Variants in CCDC60 observed in about 807,000 individuals in gnomAD.
CCDC60 encodes coiled-coil domain-containing protein 60.
A neutral mutation model predicts 63.5 loss-of-function variants in CCDC60; 54 were observed. The observed-to-expected ratio is 0.85, with a 90% confidence interval of 0.68 to 1.07. The LOEUF (loss-of-function observed/expected upper bound fraction) is 1.07, where lower values mean the gene tolerates loss of function less well. Ranked by LOEUF, CCDC60 falls within the 50% of genes least tolerant of loss-of-function variation. The pLI is 0.00. For missense variants in CCDC60, 651 were observed against 684.3 expected, an observed-to-expected ratio of 0.95 and a Z score of 0.54; for synonymous variants, 206 against 238.8, an observed-to-expected ratio of 0.86 and a Z score of 1.27.
chr12:119,385,749 C>T (rs61938069), intron 1 of CCDC60, among the ~76,000 whole-genome samples: 12,602 of 152,278 alleles, frequency 0.083, 693 homozygotes, highest in Non-Finnish European at 0.12. Flanking sequence ...TTGTGATTCT[C>T]TGGTCCTGGC....
Position 119,519,467 on chromosome 12 carries a change from A to ATATT in CCDC60, c.969-653_969-652insATTT, listed in dbSNP as rs1241035118. Among the ~76,000 whole-genome samples the ATATT allele has an allele frequency of 5.0e-3, 477 of 95,256 alleles. 11 individuals are homozygous for ATATT. Among genetic ancestry groups the ATATT allele is most frequent in the African/African-American group, 0.017 (451 of 26,822 alleles). 62.5% of individuals were successfully genotyped at this position (95,256 alleles called of 152,430 possible). On this transcript the variant is annotated intron_variant, in intron 8 of 13. Coordinates refer to ENST00000327554, the MANE Select transcript of CCDC60 (RefSeq NM_178499.5). The stretch of plus-strand genomic sequence containing the variant: ...TGTGTGTGTGTATATATATATATAT[A>ATATT]TTTTTTTTTTTTTTTGACAGAGTCA...
At chr12:119,507,629 T>C (rs1952089874) in intron 7 of CCDC60, among the ~76,000 whole-genome samples, 1 of 122,312 alleles carries the variant, frequency 8.2e-6, no homozygotes, top group African/African-American at 3.3e-5. Flanking sequence ...TTTTTTTTTT[T>C]TCTAGAAACA....
rs184152661 is a variant in CCDC60 at position 119,383,315 on chromosome 12, A to G, written c.91-45368A>G. ...TAGCATCTCTTTCTGGATGTTCTAG[A>G]GAAGTCTTCTCGCCCCACCCATATT... On this transcript the variant is annotated intron_variant, in intron 1 of 13. Transcript: ENST00000327554. Among the ~76,000 whole-genome samples the G allele has an allele frequency of 2.7e-3, 415 of 152,336 alleles. 1 individual carries two copies. Among genetic ancestry groups the G allele is most frequent in the African/African-American group, 9.2e-3 (382 of 41,582 alleles).
chr12:119,351,800 T>C (rs752986207), intron 1 of CCDC60, among the ~76,000 whole-genome samples: 1 of 152,218 alleles, frequency 6.6e-6, no homozygotes. Context: ...CACAACCATT[T>C]GGCAAGTCTC....
chr12:119,369,062 G>A (rs1191344618), intron 1 of CCDC60, among the ~76,000 whole-genome samples: 1 of 152,154 alleles, frequency 6.6e-6, no homozygotes, highest in Non-Finnish European at 1.5e-5. Flanking sequence ...CACACAGTGA[G>A]GTCTCAGCTG....
chr12:119,370,489 G>A (rs1565974190), intron 1 of CCDC60, among the ~76,000 whole-genome samples: 1 of 152,144 alleles, frequency 6.6e-6, no homozygotes, highest in Non-Finnish European at 1.5e-5. Flanking sequence ...ACACATCACA[G>A]GTATGGATGG....
chr12:119,355,740 G>A (rs1337520249), intron 1 of CCDC60, among the ~76,000 whole-genome samples: 1 of 152,224 alleles, frequency 6.6e-6, no homozygotes, highest in Non-Finnish European at 1.5e-5. Context: ...CAGTTCTGCA[G>A]TCATATTTAT....
intron 2 of CCDC60, among the ~76,000 whole-genome samples, chr12:119,455,803 C>CAGAAGA (rs113782975): frequency 3.3e-5 from 4 of 122,442 alleles, no homozygotes; most frequent in East Asian, 2.3e-4. Context: ...AGAAGAAAAA[C>CAGAAGA]AGAAGAAGAA....
intron 2 of CCDC60, chr12:119,428,977 G>GCCAC: frequency 1.0e-5 from 3 of 299,382 alleles, no homozygotes; most frequent in Non-Finnish European, 1.7e-5. Flanking sequence ...CCAGCCTCCA[G>GCCAC]CCGCCTAGAA....
At chr12:119,445,491 T>TAA (rs57279338) in intron 2 of CCDC60, among the ~76,000 whole-genome samples, 2 of 117,878 alleles carry the variant, frequency 1.7e-5, no homozygotes, top group African/African-American at 6.4e-5. Context: ...TGCCCTGAGC[T>TAA]AAAAAAAAAA....
intron 1 of CCDC60, among the ~76,000 whole-genome samples, chr12:119,383,214 A>G (rs1956026328): frequency 1.3e-5 from 2 of 152,182 alleles, no homozygotes; most frequent in Admixed American, 1.3e-4. Flanking sequence ...TTCAAGACCA[A>G]CCTGGGCAAC....
At chr12:119,335,299 T>G in intron 1 of CCDC60, 33 bp downstream of exon 1, 1 of 1,501,428 alleles carries the variant, frequency 6.7e-7, no homozygotes, top group Non-Finnish European at 9.1e-7. Flanking sequence ...CCAATCATGT[T>G]TTCGAGAACA....
intron 1 of CCDC60, among the ~76,000 whole-genome samples, chr12:119,352,864 A>C (rs1437657146): frequency 2.6e-5 from 4 of 152,146 alleles, no homozygotes; most frequent in Non-Finnish European, 5.9e-5. Context: ...CACTTGGACC[A>C]GGGAGGCGGA....
intron 5 of CCDC60, among the ~76,000 whole-genome samples, chr12:119,492,341 A>G (rs1951609791): frequency 1.3e-5 from 2 of 152,104 alleles, no homozygotes; most frequent in Non-Finnish European, 2.9e-5. Flanking sequence ...ACATGGTATC[A>G]CCGAACTTGG....
chr12:119,371,163 T>TGG (rs1001890102), intron 1 of CCDC60, among the ~76,000 whole-genome samples: 1 of 152,218 alleles, frequency 6.6e-6, no homozygotes, highest in Admixed American at 6.5e-5. Flanking sequence ...GTTTCTTCAT[T>TGG]AAACCACCAT....
chr12:119,522,873 A>G (rs1952566082), intron 9 of CCDC60, 66 bp from the exon 10 acceptor site: 1 of 1,445,418 alleles, frequency 6.9e-7, no homozygotes. Flanking sequence ...GCCATGGAGC[A>G]CTGGGGGCAC....
intron 1 of CCDC60, among the ~76,000 whole-genome samples, chr12:119,368,071 CAAG>C (rs1340768964): frequency 4.3e-5 from 5 of 115,152 alleles, no homozygotes; most frequent in African/African-American, 1.7e-4. Context: ...AAAAGAAGAA[CAAG>C]AAGAAGGAGG....
At chr12:119,481,868 C>T (rs958812481) in intron 4 of CCDC60, among the ~76,000 whole-genome samples, 1 of 151,358 alleles carries the variant, frequency 6.6e-6, no homozygotes, top group Non-Finnish European at 1.5e-5. Context: ...TTTTCCATTC[C>T]TGAGTTACTT....
rs1956572456 is a variant in CCDC60, at chr12:119,410,307, G to GT, written c.91-18375dup. On this transcript the variant is annotated intron_variant, in intron 1 of 13. Coordinates refer to ENST00000327554, the MANE Select transcript of CCDC60 (RefSeq NM_178499.5). The surrounding 1 kb of genome is among the most constrained non-coding windows in gnomAD (Gnocchi z 4.0). ...GGGAAATGAATGGTTTGAGGACAAG[G>GT]TGGAAGTAATACATTTTAAAAAGTG... Among the ~76,000 whole-genome samples, 1 of 151,912 alleles carries GT rather than the reference G, an allele frequency of 6.6e-6. No homozygotes were observed.
Sources: gnomAD v4.1 joint callset for allele counts (sites outside exome capture counted in the v4.1 genomes callset) on GRCh38, gnomAD v4.1.1 for gene constraint, Gnocchi (gnomAD v3.1) non-coding constraint, MANE v1.5 for transcripts, NCBI Gene and HGNC (gene_info 2026-07-23, HGNC 2026-07-21) for gene names.